KIRREL3: variants seen among roughly 807,000 people sequenced by gnomAD.
KIRREL3 encodes kirre like nephrin family adhesion molecule 3.
Under a neutral mutation model 89.7 loss-of-function variants are expected in KIRREL3, and 36 were observed. The ratio of observed to expected loss-of-function variants is 0.40; its 90% confidence interval spans 0.31 to 0.53. The LOEUF (loss-of-function observed/expected upper bound fraction) is 0.53, where lower values mean the gene tolerates loss of function less well. Among genes scored for constraint, KIRREL3 ranks in the 20% least tolerant of loss-of-function variants. KIRREL3 has a pLI of 0.49. For missense variants in KIRREL3, 864 were observed against 1,056.6 expected (o/e 0.82, Z 2.53); for synonymous variants, 445 against 441.4 (o/e 1.01, Z -0.10).
chr11:126,846,141 C>T (rs1002025478), intron 1 of KIRREL3, among the ~76,000 whole-genome samples: 6 of 152,094 alleles, frequency 3.9e-5, no homozygotes, highest in South Asian at 2.1e-4. Flanking sequence ...AGGTAGGAAA[C>T]GTACTTTTGG....
In KIRREL3 at chr11:126,938,373, T is replaced by G. The variant is rs369324136; in HGVS notation, c.55+62082A>C. On this transcript the variant is annotated intron_variant, in intron 1 of 16. Transcript: ENST00000525144. ...ACTTGACTGGCATATTTTCTCTAAT[T>G]CTTACAACTCTGCAGGCTGAGTGTT... Among the ~76,000 whole-genome samples the G allele has an allele frequency of 6.6e-5, 10 of 152,182 alleles. No individual in the cohort carries two copies. In the East Asian group the frequency reaches 1.2e-3, roughly 18 times the overall value.
In KIRREL3 at chr11:126,485,001, G is replaced by T. The variant is rs1292308714; in HGVS notation, c.434-11535C>A. Among the ~76,000 whole-genome samples, 1 of 152,018 alleles carries T rather than the reference G, an allele frequency of 6.6e-6. No homozygotes were observed. Among genetic ancestry groups the T allele is most frequent in the Non-Finnish European group, 1.5e-5 (1 of 67,998 alleles). On this transcript the variant is annotated intron_variant, in intron 4 of 16. Transcript: ENST00000525144. The surrounding 1 kb of genome is among the most constrained non-coding windows in gnomAD (Gnocchi z 5.8). ...TGGCTGATATTTTTTGGTACTTTTG[G>T]TGGAGACGGGGTTTCGTCATGTTGG... is the stretch of plus-strand genomic sequence containing the variant.
chr11:126,991,758 G>C lies in KIRREL3; in HGVS notation c.55+8697C>G, dbSNP rs1253107553. ...TCCCTAAAATCCTTTTCCAGTCCTA[G>C]ACACTGGGGATTGCCACAAATTATA... On this transcript the variant is annotated intron_variant, in intron 1 of 16. Coordinates refer to ENST00000525144, the MANE Select transcript of KIRREL3 (RefSeq NM_032531.4). The surrounding 1 kb of genome is among the most constrained non-coding windows in gnomAD (Gnocchi z 5.8). 6.6e-6 allele frequency among the ~76,000 whole-genome samples: 1 copy of C among 152,168 alleles called. No individual in the cohort carries two copies. Among genetic ancestry groups the C allele is most frequent in the Non-Finnish European group, 1.5e-5 (1 of 68,050 alleles).
chr11:126,911,600 G>A (rs1336180307), intron 1 of KIRREL3, among the ~76,000 whole-genome samples: 1 of 152,164 alleles, frequency 6.6e-6, no homozygotes, highest in East Asian at 1.9e-4. Flanking sequence ...CACCCCTCAG[G>A]AAGTGTTAGT....
At chr11:126,848,513 A>G (rs1017361636) in intron 1 of KIRREL3, among the ~76,000 whole-genome samples, 1 of 152,200 alleles carries the variant, frequency 6.6e-6, no homozygotes, top group African/African-American at 2.4e-5. Flanking sequence ...AAGAAACAAG[A>G]GGTCTGAGTA....
At chr11:126,440,654 A>G in intron 10 of KIRREL3, 105 bp from the exon 11 acceptor site, 7 of 1,056,086 alleles carry the variant, frequency 6.6e-6, no homozygotes, top group Non-Finnish European at 1.0e-5. Context: ...GCATTCAGCA[A>G]ACATTTGCCG....
intron 4 of KIRREL3, among the ~76,000 whole-genome samples, chr11:126,512,274 C>A (rs556256391): frequency 1.3e-5 from 2 of 152,328 alleles, no homozygotes; most frequent in East Asian, 3.9e-4. Context: ...CAGGGCGACA[C>A]TGATGATTTG....
At chr11:126,866,582 C>T (rs1944928512) in intron 1 of KIRREL3, among the ~76,000 whole-genome samples, 1 of 60,054 alleles carries the variant, frequency 1.7e-5, no homozygotes, top group Non-Finnish European at 3.3e-5. Context: ...TGAGGACAAG[C>T]CACTCCTGTT....
In KIRREL3 at chr11:126,912,005, A is replaced by AG. The variant is rs1236841647; in HGVS notation, c.55+88449_55+88450insC. On this transcript the variant is annotated intron_variant, in intron 1 of 16. Coordinates refer to ENST00000525144, the MANE Select transcript of KIRREL3 (RefSeq NM_032531.4). This position sits in a 1 kb window ranked among gnomAD's most constrained non-coding sequence, Gnocchi z 4.7. ...CTCAAAAAAAAAAAAAAAAAAAAAG[A>AG]ACGGCAACTGGGATGACTCAGTAGA... 2.9e-5 allele frequency among the ~76,000 whole-genome samples: 4 copies of AG among 140,202 alleles called. No individual in the cohort carries two copies. Among genetic ancestry groups the AG allele is most frequent in the African/African-American group, 7.7e-5 (3 of 38,996 alleles). The allele number at this position is 140,202 out of a possible 152,430, so 92.0% of individuals were successfully genotyped here.
intron 1 of KIRREL3, among the ~76,000 whole-genome samples, chr11:126,886,628 T>C (rs983978022): frequency 5.3e-5 from 8 of 152,228 alleles, no homozygotes; most frequent in African/African-American, 1.9e-4. Context: ...TATAGTTAGC[T>C]GGGTCCTCTG....
intron 2 of KIRREL3, among the ~76,000 whole-genome samples, chr11:126,536,681 T>C (rs1454377388): frequency 8.0e-6 from 1 of 125,224 alleles, no homozygotes. Flanking sequence ...TCTCGTTCTG[T>C]CGCCCAGGCT....
intron 4 of KIRREL3, among the ~76,000 whole-genome samples, chr11:126,511,345 A>T (rs1958213335): frequency 1.3e-5 from 2 of 151,092 alleles, no homozygotes; most frequent in African/African-American, 4.9e-5. Context: ...AAAAAGAGCT[A>T]TACAAAGAGT....
In KIRREL3 at chr11:126,891,191, C is replaced by T. The variant is rs1945905801; in HGVS notation, c.55+109264G>A. Among the ~76,000 whole-genome samples, 1 of 152,098 alleles carries T rather than the reference C, an allele frequency of 6.6e-6. No homozygotes were observed. On this transcript the variant is annotated intron_variant, in intron 1 of 16. Transcript: ENST00000525144. This position sits in a 1 kb window ranked among gnomAD's most constrained non-coding sequence, Gnocchi z 5.1. ...CAGTGGAAACATCTGAGAAGCGTCCCAAGATACTGCAAATTATAAAGGGTG... is the reference window on the plus strand; with the variant it reads ...CAGTGGAAACATCTGAGAAGCGTCCTAAGATACTGCAAATTATAAAGGGTG...
At position 126,905,113 on chromosome 11, in the gene KIRREL3, C is replaced by A. The variant is rs1946526074; in HGVS notation, c.55+95342G>T. On this transcript the variant is annotated intron_variant, in intron 1 of 16. Transcript: ENST00000525144. The surrounding 1 kb of genome is among the most constrained non-coding windows in gnomAD (Gnocchi z 5.0). ...GGTGTCTATGAAGACAGCTGTGTGT[C>A]ATCAACAGAAGGTTCTCATACCACA... is the stretch of plus-strand genomic sequence containing the variant. Among the ~76,000 whole-genome samples the A allele has an allele frequency of 6.6e-6, 1 of 152,144 alleles. No individual in the cohort carries two copies. The highest frequency in any genetic ancestry group is 2.1e-4 in the South Asian group (1 of 4,826).
At chr11:126,933,789 A>AC (rs1334542754) in intron 1 of KIRREL3, among the ~76,000 whole-genome samples, 2 of 151,598 alleles carry the variant, frequency 1.3e-5, no homozygotes, top group South Asian at 2.1e-4. Context: ...GAAAAAAAAA[A>AC]ACCAAAAACA....
At chr11:126,650,923 G>A (rs904764067) in intron 1 of KIRREL3, among the ~76,000 whole-genome samples, 1 of 152,206 alleles carries the variant, frequency 6.6e-6, no homozygotes, top group Non-Finnish European at 1.5e-5. Flanking sequence ...CAGAATCATG[G>A]CAGGAAGTAA....
rs116380264 is a variant in KIRREL3 at position 126,672,766 on chromosome 11, C to T, written c.56-109854G>A. Among the ~76,000 whole-genome samples, 831 of 152,274 alleles carry T rather than the reference C, an allele frequency of 5.5e-3. 6 individuals are homozygous for T. Among genetic ancestry groups the T allele is most frequent in the African/African-American group, 0.019 (799 of 41,552 alleles). On this transcript the variant is annotated intron_variant, in intron 1 of 16. Transcript: ENST00000525144. The stretch of plus-strand genomic sequence containing the variant: ...AGGGAATTTGCTATCTAGTCAGGTA[C>T]GTGTTACAGTGTCTCTTTTCTTCTA...
chr11:126,678,599 CAAAAAAAAAAAAA>C (rs59342253), intron 1 of KIRREL3, among the ~76,000 whole-genome samples: 6 of 50,046 alleles, frequency 1.2e-4, no homozygotes, highest in Non-Finnish European at 2.1e-4. Flanking sequence ...GACTCTGTCT[CAAAAAAAAAAAAA>C]AAAAAAAAAA....
chr11:126,448,022 C>T (rs762377142), intron 8 of KIRREL3, among the ~76,000 whole-genome samples: 2 of 152,110 alleles, frequency 1.3e-5, no homozygotes, highest in Non-Finnish European at 2.9e-5. Flanking sequence ...TGCGGTGGCT[C>T]ATGCCTGTAA....
Sources: gnomAD v4.1 joint callset for allele counts (sites outside exome capture counted in the v4.1 genomes callset) on GRCh38, gnomAD v4.1.1 for gene constraint, Gnocchi (gnomAD v3.1) non-coding constraint, MANE v1.5 for transcripts, NCBI Gene and HGNC (gene_info 2026-07-23, HGNC 2026-07-21) for gene names.